ADAP1: variants seen among roughly 807,000 people sequenced by gnomAD.
The protein encoded by ADAP1 is arf-GAP with dual PH domain-containing protein 1.
A neutral mutation model predicts 54.9 loss-of-function variants in ADAP1; 31 were observed. The observed-to-expected ratio is 0.56, with a 90% CI of 0.42 to 0.76. ADAP1 has a LOEUF of 0.76. ADAP1 is among the 30% of genes least tolerant of loss of function. ADAP1 has a pLI of 0.00. For synonymous variants in ADAP1, 313 were observed against 202.6 expected (o/e 1.55, Z -4.63); for missense variants, 535 against 512.4 (o/e 1.04, Z -0.42).
At chr7:933,561 C>T (rs1321248861) in intron 2 of ADAP1, among the ~76,000 whole-genome samples, 4 of 87,902 alleles carry the variant, frequency 4.6e-5, no homozygotes, top group Non-Finnish European at 6.3e-5. Context: ...AGCCGGGGGC[C>T]GGGGTCAGTG....
intron 1 of ADAP1, among the ~76,000 whole-genome samples, chr7:935,789 G>A (rs561421657): frequency 9.2e-5 from 14 of 152,296 alleles, no homozygotes; most frequent in African/African-American, 3.4e-4. Flanking sequence ...CTCCAGCAGA[G>A]GCCGGCCCCA....
In ADAP1 at chr7:926,139, G is replaced by C. The variant is rs1583169227; in HGVS notation, c.305+414C>G. Among the ~76,000 whole-genome samples, 1 of 152,118 alleles carries C rather than the reference G, an allele frequency of 6.6e-6. No individual in the cohort carries two copies. On this transcript the variant is annotated intron_variant, in intron 3 of 10. Coordinates refer to ENST00000265846, the MANE Select transcript of ADAP1 (RefSeq NM_006869.4). The surrounding 1 kb of genome is among the most constrained non-coding windows in gnomAD (Gnocchi z 4.6). ...AGGATGCTCAGAGGACTGGGTCTCA[G>C]GCTTCCCCAACCGGCCACCGGTACC...
At chr7:901,756 C>G (rs1844828932) in intron 6 of ADAP1, among the ~76,000 whole-genome samples, 4 of 151,220 alleles carry the variant, frequency 2.6e-5, no homozygotes, top group African/African-American at 2.4e-5. Context: ...CCCCGCCTCC[C>G]CTCCTTCCCC....
In ADAP1 at chr7:951,170, G is replaced by C. The variant is rs571209838; in HGVS notation, c.82+3226C>G. Among the ~76,000 whole-genome samples the C allele has an allele frequency of 2.0e-3, 309 of 151,884 alleles. 1 individual carries two copies. The highest frequency in any genetic ancestry group is 3.0e-3 in the Non-Finnish European group (203 of 67,938). On this transcript the variant is annotated intron_variant, in intron 1 of 10. Coordinates refer to ENST00000265846, the MANE Select transcript of ADAP1 (RefSeq NM_006869.4). ...CGGGTGGATCACGAGGTCAGGAGAC[G>C]GAGACCATCCTGGCTAACATGGTGA... is the stretch of plus-strand genomic sequence containing the variant.
intron 1 of ADAP1, among the ~76,000 whole-genome samples, chr7:950,470 A>G (rs1177309002): frequency 2.0e-5 from 3 of 148,322 alleles, no homozygotes; most frequent in South Asian, 4.3e-4. Flanking sequence ...TGGGCGACAG[A>G]ATGAGACTCT....
intron 1 of ADAP1, among the ~76,000 whole-genome samples, chr7:939,098 T>G (rs773866668): frequency 1.6e-4 from 24 of 152,130 alleles, no homozygotes; most frequent in Non-Finnish European, 3.2e-4. Flanking sequence ...AGCTGCCTGT[T>G]GTTGTAAATA....
At chr7:910,471 G>C (rs1316111383) in intron 4 of ADAP1, among the ~76,000 whole-genome samples, 3 of 152,078 alleles carry the variant, frequency 2.0e-5, no homozygotes, top group East Asian at 1.9e-4. Flanking sequence ...GGCTGGTCTC[G>C]AACTTCTGAG....
At chr7:916,742 T>C (rs1845948623) in intron 4 of ADAP1, among the ~76,000 whole-genome samples, 3 of 151,996 alleles carry the variant, frequency 2.0e-5, no homozygotes, top group Admixed American at 2.0e-4. Flanking sequence ...GCTGGCTGTG[T>C]GCCAAGTGGG....
Position 905,282 on chromosome 7 carries a change from G to A in ADAP1, c.389-110C>T, listed in dbSNP as rs866783580. The stretch of plus-strand genomic sequence containing the variant: ...CATGGGGAGAAGACACGGGGGACAC[G>A]GACGGGGGACACGGACAGGGGGAGA... On this transcript the variant is annotated intron_variant, in intron 4 of 10. Coordinates refer to ENST00000265846, the MANE Select transcript of ADAP1 (RefSeq NM_006869.4). The A allele has an allele frequency of 5.7e-5, 22 of 386,520 alleles. No individual in the cohort carries two copies. In the Middle Eastern group the frequency reaches 1.6e-3, roughly 28 times the overall value. The allele number at this position is 386,520 out of a possible 1,614,324, so 23.9% of individuals were successfully genotyped here.
At position 900,524 on chromosome 7, in the gene ADAP1, G is replaced by T. The variant is rs762327390; in HGVS notation, c.732+9C>A. ...CTGCCCTGGAGCTGACCGCAGGGCC[G>T]CCACTCACATCTGCGTCGCCGGCCC... is the stretch of plus-strand genomic sequence containing the variant. On this transcript the variant is annotated intron_variant, in intron 7 of 10. Transcript: ENST00000265846. 2 of 1,544,416 alleles carry T rather than the reference G, an allele frequency of 1.3e-6. No individual in the cohort carries two copies. The highest frequency in any genetic ancestry group is 1.8e-6 in the Non-Finnish European group (2 of 1,134,930).
intron 4 of ADAP1, among the ~76,000 whole-genome samples, chr7:917,918 G>A (rs1846001377): frequency 6.6e-6 from 1 of 152,028 alleles, no homozygotes. Flanking sequence ...CCACAGATGT[G>A]CGCCAACCAC....
intron 5 of ADAP1, 115 bp downstream of exon 5, chr7:904,945 G>A (rs550295536): frequency 5.7e-6 from 5 of 884,582 alleles, no homozygotes; most frequent in South Asian, 2.9e-5. Flanking sequence ...GTCCCCATCG[G>A]GGGGGGCAGC....
chr7:927,255 C>G (rs935385729), intron 2 of ADAP1: 14 of 1,247,928 alleles, frequency 1.1e-5, no homozygotes, highest in South Asian at 1.4e-5. Flanking sequence ...AGGAGGCTGT[C>G]GTTCCAGGAG....
chr7:927,077 C>T (rs1052418585), intron 2 of ADAP1: 119 of 1,298,234 alleles, frequency 9.2e-5, no homozygotes, highest in Non-Finnish European at 1.1e-4. Flanking sequence ...AGCCAACAGG[C>T]GCCAGACACG....
At chr7:940,571 G>C (rs2128110080) in intron 1 of ADAP1, among the ~76,000 whole-genome samples, 1 of 152,262 alleles carries the variant, frequency 6.6e-6, no homozygotes, top group African/African-American at 2.4e-5. Context: ...TGAGGATACA[G>C]AGCAAGTGGA....
At chr7:948,922 C>A (rs1408195482) in intron 1 of ADAP1, among the ~76,000 whole-genome samples, 1 of 152,226 alleles carries the variant, frequency 6.6e-6, no homozygotes, top group African/African-American at 2.4e-5. Flanking sequence ...GTCCTGATCT[C>A]CTGACCTCGT....
intron 4 of ADAP1, among the ~76,000 whole-genome samples, chr7:909,103 AGACGCCAGCGGG>A: frequency 1.3e-5 from 2 of 152,046 alleles, no homozygotes; most frequent in African/African-American, 4.8e-5. Context: ...CTCGGGGTCC[AGACGCCAGCGGG>A]AACCCCGGTC....
rs1379382291 is a variant in ADAP1, at chr7:920,257, G to T, written c.306-207C>A. Among the ~76,000 whole-genome samples the T allele has an allele frequency of 1.3e-5, 2 of 152,052 alleles. No homozygotes were observed. Among genetic ancestry groups the T allele is most frequent in the South Asian group, 2.1e-4 (1 of 4,822 alleles). On this transcript the variant is annotated intron_variant, in intron 3 of 10. Transcript: ENST00000265846. This position sits in a 1 kb window ranked among gnomAD's most constrained non-coding sequence, Gnocchi z 4.5. The stretch of plus-strand genomic sequence containing the variant: ...TTCTCACTCTGATATTAGTTTATTG[G>T]TTTCTTGTGCGTTCGGCCCCCGGAG...
intron 7 of ADAP1, 47 bp downstream of exon 7, chr7:900,486 C>T (rs750518098): frequency 2.4e-5 from 33 of 1,396,438 alleles, no homozygotes; most frequent in Non-Finnish European, 2.9e-5. Flanking sequence ...ACCCCCCACC[C>T]CACCACCCCT....
Sources: gnomAD v4.1 joint callset for allele counts (sites outside exome capture counted in the v4.1 genomes callset) on GRCh38, gnomAD v4.1.1 for gene constraint, Gnocchi (gnomAD v3.1) non-coding constraint, MANE v1.5 for transcripts, NCBI Gene and HGNC (gene_info 2026-07-23, HGNC 2026-07-21) for gene names.